ZFYVE28: variants seen among roughly 807,000 people sequenced by gnomAD.
ZFYVE28 encodes the protein lateral signaling target protein 2 homolog.
Under a neutral mutation model 82.1 loss-of-function variants are expected in ZFYVE28, and 40 were observed. The observed-to-expected ratio is 0.49, with a 90% CI of 0.38 to 0.63. The LOEUF (loss-of-function observed/expected upper bound fraction) is 0.63, where lower values mean the gene tolerates loss of function less well. Among genes scored for constraint, ZFYVE28 ranks in the 30% least tolerant of loss-of-function variants. ZFYVE28 has a pLI of 0.00. For missense variants in ZFYVE28, 1,321 were observed against 1,242.1 expected (o/e 1.06, Z -0.96); for synonymous variants, 612 against 546.1 (o/e 1.12, Z -1.68).
intron 1 of ZFYVE28, among the ~76,000 whole-genome samples, chr4:2,382,417 G>T (rs754193526): frequency 6.6e-6 from 1 of 152,240 alleles, no homozygotes; most frequent in Non-Finnish European, 1.5e-5. Flanking sequence ...GGGTGGAGCT[G>T]CCCAAGACGA....
At position 2,337,427 on chromosome 4, in the gene ZFYVE28, G is replaced by A. The variant is rs760240840; in HGVS notation, c.591C>T (p.Leu197=). 5.2e-5 allele frequency: 84 copies of A among 1,609,074 alleles called. No individual in the cohort carries two copies. Among genetic ancestry groups the A allele is most frequent in the Admixed American group, 5.0e-4 (30 of 59,574 alleles). The change falls in exon 5 of 13, where the codon CTC becomes CTT. Residue 197 remains leucine, a synonymous_variant. Transcript: ENST00000290974. ...CTCACCTCTCCACCGTCTCGCAGAA[G>A]AGCACGATGACCTCCTGCTGCACGT... The part of the protein sequence containing the change: ...EYYVQQEVIV[L]FCETVERALD...
intron 7 of ZFYVE28, among the ~76,000 whole-genome samples, chr4:2,308,667 A>AAGAAAGAG (rs1716994504): frequency 1.0e-5 from 1 of 100,006 alleles, no homozygotes. Flanking sequence ...GAAAGAAAGA[A>AAGAAAGAG]AGAAAGAAAG....
chr4:2,308,627 C>CAGAA (rs58958771), intron 7 of ZFYVE28, among the ~76,000 whole-genome samples: 14,475 of 79,506 alleles, frequency 0.18, 1,695 homozygotes, highest in South Asian at 0.24. Flanking sequence ...AGAAAGAAGA[C>CAGAA]AGAAAGAAAG....
At chr4:2,329,892 G>T (rs756208878) in intron 6 of ZFYVE28, among the ~76,000 whole-genome samples, 2 of 152,080 alleles carry the variant, frequency 1.3e-5, no homozygotes, top group Admixed American at 6.6e-5. Flanking sequence ...GATAATCTTT[G>T]TGGATATATA....
chr4:2,380,970 G>C (rs2354517), intron 1 of ZFYVE28, among the ~76,000 whole-genome samples: 1 of 152,112 alleles, frequency 6.6e-6, no homozygotes, highest in Non-Finnish European at 1.5e-5. Context: ...AAAGATATCC[G>C]AAAATGTGGA....
chr4:2,273,537 G>A (rs1342378624), intron 9 of ZFYVE28, among the ~76,000 whole-genome samples: 1 of 152,212 alleles, frequency 6.6e-6, no homozygotes, highest in African/African-American at 2.4e-5. Context: ...CAGTCGGTCT[G>A]CCGCTGACAT....
At chr4:2,312,414 C>T (rs1717586955) in intron 7 of ZFYVE28, among the ~76,000 whole-genome samples, 1 of 151,732 alleles carries the variant, frequency 6.6e-6, no homozygotes, top group Non-Finnish European at 1.5e-5. Context: ...TTGACTTCTG[C>T]AATGAACAAG....
At chr4:2,281,598 C>T (rs781236572) in intron 8 of ZFYVE28, among the ~76,000 whole-genome samples, 11 of 152,200 alleles carry the variant, frequency 7.2e-5, no homozygotes, top group African/African-American at 2.2e-4. Flanking sequence ...AACATCAATC[C>T]GCTCAGGAGG....
chr4:2,403,023 T>C (rs1384305875), intron 1 of ZFYVE28, among the ~76,000 whole-genome samples: 1 of 152,232 alleles, frequency 6.6e-6, no homozygotes, highest in Non-Finnish European at 1.5e-5. Context: ...TTATCCGTGT[T>C]TGAGGAAAGT....
intron 2 of ZFYVE28, among the ~76,000 whole-genome samples, chr4:2,345,331 A>G (rs1723381363): frequency 6.6e-6 from 1 of 152,234 alleles, no homozygotes; most frequent in Non-Finnish European, 1.5e-5. Context: ...GACGGTTGTT[A>G]TAACTGATTC....
intron 6 of ZFYVE28, among the ~76,000 whole-genome samples, chr4:2,326,553 G>C (rs1560207928): frequency 6.6e-6 from 1 of 151,256 alleles, no homozygotes; most frequent in Non-Finnish European, 1.5e-5. Context: ...TGAATTATAG[G>C]ATTTTTTTCT....
At chr4:2,395,788 C>T (rs541785294) in intron 1 of ZFYVE28, among the ~76,000 whole-genome samples, 4 of 151,798 alleles carry the variant, frequency 2.6e-5, no homozygotes, top group African/African-American at 4.9e-5. Flanking sequence ...ACCCAGATAA[C>T]GGTCCAAGAT....
At chr4:2,278,158 A>G (rs1472158469) in intron 8 of ZFYVE28, among the ~76,000 whole-genome samples, 1 of 152,198 alleles carries the variant, frequency 6.6e-6, no homozygotes, top group Admixed American at 6.5e-5. Context: ...TACCACATAC[A>G]AAAATTCACT....
At chr4:2,392,937 A>T (rs1224787976) in intron 1 of ZFYVE28, among the ~76,000 whole-genome samples, 1 of 152,198 alleles carries the variant, frequency 6.6e-6, no homozygotes, top group Admixed American at 6.5e-5. Flanking sequence ...TGTAGAATCG[A>T]CCCTGGCTGG....
At chr4:2,404,042 C>CG (rs1237313605) in intron 1 of ZFYVE28, among the ~76,000 whole-genome samples, 1 of 151,140 alleles carries the variant, frequency 6.6e-6, no homozygotes, top group Non-Finnish European at 1.5e-5. Context: ...GAAGATGGGC[C>CG]GGGCATGGTG....
chr4:2,292,342 C>A (rs1219811682), intron 8 of ZFYVE28, among the ~76,000 whole-genome samples: 2 of 152,170 alleles, frequency 1.3e-5, no homozygotes, highest in East Asian at 1.9e-4. Flanking sequence ...TGGCTCCATG[C>A]CAAAGGGACA....
chr4:2,278,022 T>G (rs1175410959), intron 8 of ZFYVE28, among the ~76,000 whole-genome samples: 1 of 152,152 alleles, frequency 6.6e-6, no homozygotes, highest in African/African-American at 2.4e-5. Context: ...GAAACCCATA[T>G]GCTTATGGGC....
rs115648870 is a variant in ZFYVE28, at chr4:2,357,682, C to T, written c.40-3609G>A. 9.8e-3 allele frequency among the ~76,000 whole-genome samples: 1,491 copies of T among 152,276 alleles called. 12 individuals are homozygous for T. Among genetic ancestry groups the T allele is most frequent in the Admixed American group, 0.016 (239 of 15,302 alleles). ...TCACAGTCCCTCTCCACGTGTGTCC[C>T]GCAGCCCTGACTGCAGCTCGCTGAC... On this transcript the variant is annotated intron_variant, in intron 1 of 12. Coordinates refer to ENST00000290974, the MANE Select transcript of ZFYVE28 (RefSeq NM_020972.3).
intron 7 of ZFYVE28, among the ~76,000 whole-genome samples, chr4:2,311,549 T>C (rs1204854823): frequency 6.6e-6 from 1 of 152,128 alleles, no homozygotes; most frequent in South Asian, 2.1e-4. Flanking sequence ...ACCTAACTTT[T>C]GGGTTTGTCT....
Sources: gnomAD v4.1 joint callset for allele counts (sites outside exome capture counted in the v4.1 genomes callset) on GRCh38, gnomAD v4.1.1 for gene constraint, MANE v1.5 for transcripts, NCBI Gene and HGNC (gene_info 2026-07-23, HGNC 2026-07-21) for gene names.